The following NKAIN3 variants were observed in gnomAD, a reference collection of about 807,000 sequenced individuals.
NKAIN3 encodes the protein sodium/potassium transporting ATPase interacting 3.
NKAIN3 carries 25 observed loss-of-function variants against 30.2 expected under a neutral mutation model. The observed-to-expected ratio is 0.83, with a 90% CI of 0.60 to 1.16. The LOEUF is 1.16. NKAIN3 is among the 50% of genes most tolerant of loss of function. NKAIN3 has a pLI of 0.00. For synonymous variants in NKAIN3, 91 were observed against 89.6 expected (o/e 1.02, Z -0.09); for missense variants, 225 against 254.1 (o/e 0.89, Z 0.78).
At chr8:62,315,184 T>C (rs1041565903) in intron 1 of NKAIN3, among the ~76,000 whole-genome samples, 15 of 152,200 alleles carry the variant, frequency 9.9e-5, no homozygotes, top group Admixed American at 9.8e-4. Context: ...ACATTATAGT[T>C]ATTTGAAAAA....
rs1002057326 is a variant in NKAIN3, at chr8:62,858,496, A to C, written c.472-59957A>C. 3.9e-5 allele frequency among the ~76,000 whole-genome samples: 6 copies of C among 152,224 alleles called. No homozygotes were observed. The South Asian group carries it at 1.2e-3, about 32-fold the overall frequency. ...CAAGGTAGTGACATGCCCCACCCCCAGGGCACTTCATCCCAGGGAAAGATC... is the reference window on the plus strand; with the variant it reads ...CAAGGTAGTGACATGCCCCACCCCCCGGGCACTTCATCCCAGGGAAAGATC... On this transcript the variant is annotated intron_variant, in intron 4 of 6. Transcript: ENST00000623646.
chr8:62,544,727 A>AACAAACAATCCT (rs1554545542), intron 1 of NKAIN3, among the ~76,000 whole-genome samples: 1 of 151,408 alleles, frequency 6.6e-6, no homozygotes. Flanking sequence ...AGTACAAACA[A>AACAAACAATCCT]TCCTTGAACA....
At chr8:62,963,841 G>A (rs1470407699) in intron 6 of NKAIN3, among the ~76,000 whole-genome samples, 1 of 152,070 alleles carries the variant, frequency 6.6e-6, no homozygotes, top group African/African-American at 2.4e-5. Flanking sequence ...TAGGCGCTTG[G>A]GTGGGTATTT....
At chr8:62,790,319 A>G (rs900405731) in intron 4 of NKAIN3, among the ~76,000 whole-genome samples, 1 of 152,160 alleles carries the variant, frequency 6.6e-6, no homozygotes, top group Non-Finnish European at 1.5e-5. Context: ...TCTCAAAATA[A>G]TAAGAGCTAT....
intron 2 of NKAIN3, among the ~76,000 whole-genome samples, chr8:62,580,807 T>C (rs953540132): frequency 6.6e-6 from 1 of 151,848 alleles, no homozygotes; most frequent in Non-Finnish European, 1.5e-5. Context: ...AGAAATAGCC[T>C]CAACCAGGTA....
intron 4 of NKAIN3, among the ~76,000 whole-genome samples, chr8:62,844,911 A>G (rs1304166768): frequency 6.6e-6 from 1 of 151,990 alleles, no homozygotes; most frequent in Non-Finnish European, 1.5e-5. Context: ...CCATTACCCA[A>G]CAAGGAAATA....
chr8:62,496,336 C>A (rs1807237245), intron 1 of NKAIN3, among the ~76,000 whole-genome samples: 1 of 152,082 alleles, frequency 6.6e-6, no homozygotes, highest in African/African-American at 2.4e-5. Flanking sequence ...GGAAAAGTTG[C>A]ATGCTTTTAT....
At chr8:62,473,697 A>G (rs1416414537) in intron 1 of NKAIN3, among the ~76,000 whole-genome samples, 1 of 152,134 alleles carries the variant, frequency 6.6e-6, no homozygotes, top group South Asian at 2.1e-4. Context: ...TTCTCCTGGT[A>G]CTTGTCTGCA....
Position 62,478,384 on chromosome 8 carries a change from G to A in NKAIN3, c.55-101155G>A, listed in dbSNP as rs143247447. On this transcript the variant is annotated intron_variant, in intron 1 of 6. Transcript: ENST00000623646. ...TCCAATGGCCACTGCCAAAATGATT[G>A]TCTGTTACCTTGGAAGAAAGTAAAG... Among the ~76,000 whole-genome samples, 494 of 152,260 alleles carry A rather than the reference G, an allele frequency of 3.2e-3. 4 individuals carry two copies. Among genetic ancestry groups the A allele is most frequent in the Non-Finnish European group, 4.8e-3 (324 of 68,014 alleles).
intron 1 of NKAIN3, among the ~76,000 whole-genome samples, chr8:62,355,115 G>A (rs1231218688): frequency 6.6e-6 from 1 of 152,168 alleles, no homozygotes; most frequent in Non-Finnish European, 1.5e-5. Context: ...AAATGTGAGA[G>A]ATTCATAGAG....
At chr8:62,335,501 A>G (rs2129590399) in intron 1 of NKAIN3, among the ~76,000 whole-genome samples, 1 of 151,944 alleles carries the variant, frequency 6.6e-6, no homozygotes, top group East Asian at 1.9e-4. Flanking sequence ...CCTGCCTTGA[A>G]TTTAAGAAGC....
At chr8:62,985,303 C>T (rs1824180102), downstream of NKAIN3, among the ~76,000 whole-genome samples, 1 of 152,242 alleles carries the variant, frequency 6.6e-6, no homozygotes, top group Non-Finnish European at 1.5e-5. Context: ...ACCTTTGTAA[C>T]TAACAAGTGT....
At chr8:62,566,884 A>G (rs1809769666) in intron 1 of NKAIN3, among the ~76,000 whole-genome samples, 1 of 152,094 alleles carries the variant, frequency 6.6e-6, no homozygotes, top group Non-Finnish European at 1.5e-5. Flanking sequence ...CATGAAAGTT[A>G]TTTTTCTAGG....
chr8:62,431,165 T>A (rs2129597475), intron 1 of NKAIN3, among the ~76,000 whole-genome samples: 1 of 152,060 alleles, frequency 6.6e-6, no homozygotes, highest in South Asian at 2.1e-4. Context: ...CATCCAAAGA[T>A]AGTCTGAATC....
chr8:62,901,151 A>G (rs911034207), intron 4 of NKAIN3, among the ~76,000 whole-genome samples: 1 of 152,220 alleles, frequency 6.6e-6, no homozygotes, highest in South Asian at 2.1e-4. Context: ...CATTTTGCCA[A>G]GACCATAGGG....
intron 6 of NKAIN3, among the ~76,000 whole-genome samples, chr8:62,961,887 C>T (rs536978989): frequency 1.1e-4 from 17 of 152,212 alleles, no homozygotes; most frequent in African/African-American, 4.1e-4. Flanking sequence ...TTATAAATTA[C>T]ATTATCGATG....
At chr8:62,387,884 A>G (rs1817476293) in intron 1 of NKAIN3, among the ~76,000 whole-genome samples, 1 of 152,302 alleles carries the variant, frequency 6.6e-6, no homozygotes, top group South Asian at 2.1e-4. Flanking sequence ...GAAAAGCAAA[A>G]AACTCTGCTT....
chr8:62,794,048 A>G (rs1336438427), intron 4 of NKAIN3, among the ~76,000 whole-genome samples: 1 of 152,154 alleles, frequency 6.6e-6, no homozygotes, highest in African/African-American at 2.4e-5. Context: ...CTGCCCTTTA[A>G]AATAAAAGGC....
At chr8:62,960,968 A>T (rs1487831869) in intron 6 of NKAIN3, among the ~76,000 whole-genome samples, 1 of 152,072 alleles carries the variant, frequency 6.6e-6, no homozygotes, top group Admixed American at 6.5e-5. Flanking sequence ...CCATTGATCA[A>T]TCATAGCATC....
Sources: gnomAD v4.1 joint callset for allele counts (sites outside exome capture counted in the v4.1 genomes callset) on GRCh38, gnomAD v4.1.1 for gene constraint, MANE v1.5 for transcripts, NCBI Gene and HGNC (gene_info 2026-07-23, HGNC 2026-07-21) for gene names.